QPCT: variants seen among roughly 807,000 people sequenced by gnomAD.
The protein encoded by QPCT is glutaminyl-peptide cyclotransferase.
In QPCT, 44 loss-of-function variants were observed where a neutral mutation model predicts 43.4. The observed-to-expected ratio is 1.01, with a 90% CI of 0.80 to 1.30. QPCT has a LOEUF of 1.30. Among genes scored for constraint, QPCT ranks in the 50% most tolerant of loss-of-function variants. The pLI is 0.00. For missense variants in QPCT, 526 were observed against 436.5 expected, an observed-to-expected ratio of 1.21 and a Z score of -1.83; for synonymous variants, 168 against 168.4, an observed-to-expected ratio of 1.00 and a Z score of 0.02.
chr2:37,352,784 C>T lies in QPCT; in HGVS notation c.121-5C>T, dbSNP rs1461637497. 1 of 1,613,192 alleles carries T rather than the reference C, an allele frequency of 6.2e-7. No homozygotes were observed. Among genetic ancestry groups the T allele is most frequent in the Non-Finnish European group, 8.5e-7 (1 of 1,179,270 alleles). On this transcript the variant is annotated splice_region_variant and splice_polypyrimidine_tract_variant and intron_variant, in intron 1 of 6. Transcript: ENST00000338415. ...GCTAGTTAAATGATTTCATTCAATC[C>T]TCAGAATTACCACCAGCCAGCCATT...
intron 1 of QPCT, among the ~76,000 whole-genome samples, chr2:37,351,306 A>C (rs563008018): frequency 6.6e-6 from 1 of 152,176 alleles, no homozygotes; most frequent in African/African-American, 2.4e-5. Flanking sequence ...AAGTCATCTG[A>C]TCAATTGTTC....
In QPCT at chr2:37,371,958, T is replaced by C. The variant is rs72866717; in HGVS notation, c.824-398T>C. On this transcript the variant is annotated intron_variant, in intron 5 of 6. Coordinates refer to ENST00000338415, the MANE Select transcript of QPCT (RefSeq NM_012413.4). ...TCTCTACTCTGTTTGAGTATTCCCC[T>C]TTTAAGCCCCATATCTCATCTAAGG... 5.0e-3 allele frequency among the ~76,000 whole-genome samples: 755 copies of C among 152,284 alleles called. 6 individuals carry two copies. Among genetic ancestry groups the C allele is most frequent in the African/African-American group, 0.017 (724 of 41,554 alleles).
At chr2:37,363,848 G>T (rs1205313983) in intron 3 of QPCT, among the ~76,000 whole-genome samples, 1 of 151,932 alleles carries the variant, frequency 6.6e-6, no homozygotes, top group Non-Finnish European at 1.5e-5. Context: ...CAATAAGGAG[G>T]AGCTTTTGGA....
At chr2:37,359,988 A>G in intron 3 of QPCT, 130 bp downstream of exon 3, 1 of 996,018 alleles carries the variant, frequency 1.0e-6, no homozygotes. Flanking sequence ...TTTATTATGA[A>G]CATTAATTGT....
chr2:37,350,678 A>C (rs968416552), intron 1 of QPCT, among the ~76,000 whole-genome samples: 1 of 152,224 alleles, frequency 6.6e-6, no homozygotes, highest in African/African-American at 2.4e-5. Flanking sequence ...TCAGGAAGTC[A>C]GCTGGTTTCT....
intron 1 of QPCT, among the ~76,000 whole-genome samples, chr2:37,347,626 C>T (rs996139950): frequency 7.2e-5 from 11 of 152,108 alleles, no homozygotes; most frequent in Admixed American, 7.2e-4. Flanking sequence ...CCTTGATCTC[C>T]TTCATGCAGC....
intron 3 of QPCT, among the ~76,000 whole-genome samples, chr2:37,366,851 T>C (rs1672974141): frequency 6.6e-6 from 1 of 152,172 alleles, no homozygotes; most frequent in African/African-American, 2.4e-5. Flanking sequence ...GAGGTGCAGC[T>C]GAGGCAATTC....
intron 5 of QPCT, 133 bp from the exon 6 acceptor site, chr2:37,372,223 G>A: frequency 1.4e-6 from 1 of 715,012 alleles, no homozygotes; most frequent in South Asian, 1.6e-5. Context: ...GTGTGGCCAT[G>A]CTTGCTGTTG....
intron 6 of QPCT, 82 bp from the exon 7 acceptor site, chr2:37,372,589 GTGGTACAGAGC>G (rs1673102567): frequency 2.0e-6 from 3 of 1,485,874 alleles, no homozygotes; most frequent in Non-Finnish European, 2.8e-6. Flanking sequence ...CTGTCTTTAT[GTGGTACAGAGC>G]TCCCTCTGCT....
At chr2:37,368,955 T>G (rs3770744) in intron 4 of QPCT, among the ~76,000 whole-genome samples, 4,713 of 151,926 alleles carry the variant, frequency 0.031, 101 homozygotes, top group African/African-American at 0.074. Context: ...TCATGAATTT[T>G]TTCATACTAT....
chr2:37,352,841 A>G lies in QPCT; in HGVS notation c.173A>G (p.Glu58Gly), dbSNP rs1672650982. 3 of 1,614,198 alleles carry G rather than the reference A, an allele frequency of 1.9e-6. No individual in the cohort carries two copies. The highest frequency in any genetic ancestry group is 2.5e-6 in the Non-Finnish European group (3 of 1,180,016). Residue 58 changes from glutamate (E) to glycine (G), a missense_variant, in exon 2 of 7, where the codon GAA (glutamate) becomes GGA (glycine). By Grantham distance (98) the Glu-to-Gly change is moderately conservative. Transcript: ENST00000338415. ...TCATCGGCTCTTCGGCAAATTGCAG[A>G]AGGCACCAGTATCTCTGAAATGTGG... Reference protein sequence around the residue: ...LNSSALRQIAEGTSISEMWQN... With the variant: ...LNSSALRQIAGGTSISEMWQN...
chr2:37,360,014 G>A, intron 3 of QPCT, 156 bp downstream of exon 3: 1 of 817,918 alleles, frequency 1.2e-6, no homozygotes, highest in East Asian at 2.6e-5. Context: ...TGCATGATTG[G>A]GAATATCAAC....
intron 3 of QPCT, 58 bp from the exon 4 acceptor site, chr2:37,367,174 T>G: frequency 6.7e-7 from 1 of 1,501,634 alleles, no homozygotes; most frequent in Non-Finnish European, 9.1e-7. Flanking sequence ...TAGAAAATCA[T>G]GCTATTTTTC....
chr2:37,361,766 T>C (rs1376708639), intron 3 of QPCT, among the ~76,000 whole-genome samples: 1 of 152,220 alleles, frequency 6.6e-6, no homozygotes, highest in East Asian at 1.9e-4. Flanking sequence ...ACTGTGTTGA[T>C]GGGGTGTTAT....
At chr2:37,351,570 T>A (rs565076510) in intron 1 of QPCT, among the ~76,000 whole-genome samples, 18 of 152,326 alleles carry the variant, frequency 1.2e-4, no homozygotes, top group Admixed American at 2.0e-4. Context: ...TCATCTGAGT[T>A]GGCACTGTCT....
chr2:37,357,002 T>A (rs1473665234), intron 2 of QPCT, among the ~76,000 whole-genome samples: 1 of 137,706 alleles, frequency 7.3e-6, no homozygotes, highest in Non-Finnish European at 1.5e-5. Context: ...TGAGACTCCG[T>A]CTCAAAAAAA....
At position 37,373,062 on chromosome 2, in the gene QPCT, G is replaced by A. The variant is rs538916852; in HGVS notation, c.*235G>A. 6 of 328,918 alleles carry A rather than the reference G, an allele frequency of 1.8e-5. No homozygotes were observed. The highest frequency in any genetic ancestry group is 3.3e-5 in the Non-Finnish European group (6 of 183,984). The allele number at this position is 328,918 out of a possible 1,614,324, so 20.4% of individuals were successfully genotyped here. ...GATTGAAAAAGAGGGACCGTGTAAA[G>A]AAAATGGAAAATAAATATCTTTCAA... On this transcript the variant is annotated 3_prime_UTR_variant, in exon 7 of 7. Transcript: ENST00000338415.
chr2:37,359,578 A>T lies in QPCT; in HGVS notation c.268-2A>T. On this transcript the variant is annotated splice_acceptor_variant, in intron 2 of 6. Coordinates refer to ENST00000338415, the MANE Select transcript of QPCT (RefSeq NM_012413.4). LOFTEE classifies it high-confidence loss of function. ...AATTTTTTGTTTTTTTGTTTTGATCAGCACATCATGCAGCGAATTCAGAGG... is the reference window on the plus strand; with the variant it reads ...AATTTTTTGTTTTTTTGTTTTGATCTGCACATCATGCAGCGAATTCAGAGG... 1.2e-6 allele frequency: 2 copies of T among 1,604,412 alleles called. No homozygotes were observed. Among genetic ancestry groups the T allele is most frequent in the Non-Finnish European group, 8.5e-7 (1 of 1,174,218 alleles).
chr2:37,348,274 T>C (rs1279107624), intron 1 of QPCT, among the ~76,000 whole-genome samples: 1 of 152,200 alleles, frequency 6.6e-6, no homozygotes, highest in East Asian at 1.9e-4. Flanking sequence ...TAGTCACAGC[T>C]AATAAGCGAG....
Sources: allele counts gnomAD v4.1 joint callset (sites outside exome capture counted in the v4.1 genomes callset), GRCh38; gene constraint gnomAD v4.1.1; transcripts MANE v1.5; gene names NCBI Gene and HGNC (gene_info 2026-07-23, HGNC 2026-07-21).